Variants in CLCN1 observed in about 807,000 individuals in gnomAD.
CLCN1 encodes chloride voltage-gated channel 1.
In CLCN1, 100 loss-of-function variants were observed where a neutral mutation model predicts 114.5. That is an observed-to-expected ratio of 0.87 (90% CI 0.74 to 1.03). The LOEUF (loss-of-function observed/expected upper bound fraction) is 1.03. CLCN1 is among the 50% of genes least tolerant of loss of function. The probability of loss-of-function intolerance (pLI) is 0.00; values close to 1 mark genes in which losing one functional copy is unlikely to be tolerated. For missense variants in CLCN1, 1,188 were observed against 1,250.0 expected (o/e 0.95, Z 0.75); for synonymous variants, 485 against 487.1 (o/e 1.00, Z 0.06).
chr7:143,329,428 C>T (rs1042852753), intron 7 of CLCN1, among the ~76,000 whole-genome samples: 1 of 152,186 alleles, frequency 6.6e-6, no homozygotes, highest in African/African-American at 2.4e-5. Context: ...GGGAAGGGGA[C>T]TTGGGACTGA....
chr7:143,351,679 G>C lies in CLCN1; in HGVS notation c.2681G>C (p.Arg894Pro). Residue 894 changes from arginine (R) to proline (P), a missense_variant, in exon 23 of 23, where the codon CGA (arginine) becomes CCA (proline). Coordinates refer to ENST00000343257, the MANE Select transcript of CLCN1 (RefSeq NM_000083.3). ...AGCTTCCGGAACACGACTTCAACTC[G>C]AAAGAGTACCGGGGCACCTCCATCT... is the stretch of plus-strand genomic sequence containing the variant. ...LASFRNTTST[R>P]KSTGAPPSSA... The C allele has an allele frequency of 6.2e-7, 1 of 1,614,144 alleles. No homozygotes were observed. Among genetic ancestry groups the C allele is most frequent in the South Asian group, 1.1e-5 (1 of 91,082 alleles).
At chr7:143,341,190 T>G (rs1324418820) in intron 14 of CLCN1, among the ~76,000 whole-genome samples, 1 of 152,112 alleles carries the variant, frequency 6.6e-6, no homozygotes, top group Non-Finnish European at 1.5e-5. Context: ...TTCATTCTAT[T>G]TACTCACTAA....
intron 12 of CLCN1, among the ~76,000 whole-genome samples, chr7:143,338,157 T>A (rs926688160): frequency 6.6e-6 from 1 of 152,202 alleles, no homozygotes; most frequent in African/African-American, 2.4e-5. Flanking sequence ...TCTTTTGTAC[T>A]CTTTGCCTCA....
At chr7:143,345,835 T>G (rs557877519) in intron 17 of CLCN1, 73 bp downstream of exon 17, 27 of 1,329,564 alleles carry the variant, frequency 2.0e-5, no homozygotes, top group Non-Finnish European at 2.5e-5. Flanking sequence ...TGGGCTGGGC[T>G]GGGCTGGGCT....
intron 7 of CLCN1, among the ~76,000 whole-genome samples, chr7:143,330,423 C>T (rs927863843): frequency 1.3e-5 from 2 of 151,988 alleles, no homozygotes; most frequent in Non-Finnish European, 2.9e-5. Context: ...TTTTCAACTA[C>T]CTTTTAGTCC....
At chr7:143,346,398 A>T in intron 18 of CLCN1, 147 bp downstream of exon 18, 1 of 749,826 alleles carries the variant, frequency 1.3e-6, no homozygotes, top group South Asian at 1.5e-5. Flanking sequence ...GTTCTTATTC[A>T]TCAATTCTCC....
At chr7:143,320,561 C>G in intron 2 of CLCN1, 103 bp from the exon 3 acceptor site, 153 of 715,710 alleles carry the variant, frequency 2.1e-4, no homozygotes, top group Non-Finnish European at 2.7e-4. Context: ...TTTTCTCTCT[C>G]TCTCTCTCTC....
chr7:143,321,799 T>C lies in CLCN1; in HGVS notation c.647T>C (p.Val216Ala). Reference sequence around the variant, plus strand: ...ACAATGAAAGCCTTTGTGGCCAAGGTTGTCGCCCTGACTGCGGGCCTGGGC... The same window carrying C: ...ACAATGAAAGCCTTTGTGGCCAAGGCTGTCGCCCTGACTGCGGGCCTGGGC... ...YLTMKAFVAK[V>A]VALTAGLGSG... is the part of the protein sequence containing the mutation. The change falls in exon 5 of 23, where the codon GTT (valine) becomes GCT (alanine). Residue 216 changes from valine (V) to alanine (A), a missense_variant. Transcript: ENST00000343257. The surrounding 1 kb of genome is among the most constrained non-coding windows in gnomAD (Gnocchi z 4.2). The C allele has an allele frequency of 6.2e-7, 1 of 1,614,232 alleles. No homozygotes were observed. The highest frequency in any genetic ancestry group is 1.3e-5 in the African/African-American group (1 of 75,066).
chr7:143,318,213 G>GT (rs1233781577), intron 1 of CLCN1, among the ~76,000 whole-genome samples: 2 of 147,612 alleles, frequency 1.4e-5, no homozygotes, highest in African/African-American at 5.2e-5. Flanking sequence ...CTTTTTTTTT[G>GT]TTTTTTGTTT....
Position 143,321,328 on chromosome 7 carries a change from C to A in CLCN1, c.434-37C>A, listed in dbSNP as rs771423077. The A allele has an allele frequency of 3.7e-6, 6 of 1,612,976 alleles. No individual in the cohort carries two copies. The highest frequency in any genetic ancestry group is 4.2e-6 in the Non-Finnish European group (5 of 1,179,640). ...TGGTGCCGTGGACACGGCTGCTCAG[C>A]CATGTTCTGCCTAACCCCAGGCATG... On this transcript the variant is annotated intron_variant, in intron 3 of 22. Transcript: ENST00000343257. This position sits in a 1 kb window ranked among gnomAD's most constrained non-coding sequence, Gnocchi z 4.2.
rs796709492 is a variant in CLCN1 at position 143,321,258 on chromosome 7, G to A, written c.434-107G>A. On this transcript the variant is annotated intron_variant, in intron 3 of 22. Transcript: ENST00000343257. The surrounding 1 kb of genome is among the most constrained non-coding windows in gnomAD (Gnocchi z 4.2). ...TGAGAGCAGCACCATCTCAGAAGGG[G>A]CACACAGAAGGAGCACGGCCTGAGA... 149 of 1,321,116 alleles carry A rather than the reference G, an allele frequency of 1.1e-4. No individual in the cohort carries two copies. The African/African-American group carries it at 1.7e-3, about 15-fold the overall frequency. The allele number at this position is 1,321,116 out of a possible 1,614,324, so 81.8% of individuals were successfully genotyped here.
Position 143,350,575 on chromosome 7 carries a change from C to A in CLCN1, c.2516C>A (p.Thr839Asn). 7.4e-6 allele frequency: 12 copies of A among 1,614,070 alleles called. No individual in the cohort carries two copies. Among genetic ancestry groups the A allele is most frequent in the Non-Finnish European group, 1.0e-5 (12 of 1,179,962 alleles). ...TGTGCTCTTCATCCTCAGACTCATA[C>A]CCTGTTTTCACTCCTTGGCCTCCAC... is the stretch of plus-strand genomic sequence containing the variant. ...VEQTTLHKTH[T>N]LFSLLGLHLA... Residue 839 changes from threonine (T) to asparagine (N), a missense_variant, in exon 22 of 23, where the codon ACC (threonine) becomes AAC (asparagine). By Grantham distance (65) the Thr-to-Asn change is moderately conservative. Coordinates refer to ENST00000343257, the MANE Select transcript of CLCN1 (RefSeq NM_000083.3). This position sits in a 1 kb window ranked among gnomAD's most constrained non-coding sequence, Gnocchi z 5.1.
intron 7 of CLCN1, among the ~76,000 whole-genome samples, chr7:143,327,150 G>A (rs1312138944): frequency 6.6e-6 from 1 of 152,102 alleles, no homozygotes; most frequent in Non-Finnish European, 1.5e-5. Context: ...GGAGGCTAAG[G>A]TGGAAGAATC....
chr7:143,345,698 G>C lies in CLCN1; in HGVS notation c.2108G>C (p.Gly703Ala), dbSNP rs1428234081. 87 of 1,559,974 alleles carry C rather than the reference G, an allele frequency of 5.6e-5. No individual in the cohort carries two copies. The highest frequency in any genetic ancestry group is 7.4e-5 in the Non-Finnish European group (85 of 1,153,614). Residue 703 changes from glycine to alanine, a missense_variant, in exon 17 of 23, where the codon GGC becomes GCC. Transcript: ENST00000343257. ...GAGGGGCTCCCCGGCGCGCCTCCAG[G>C]CCGGCCCGAGTCCTTCGCCTTTGTG... ...AGEGLPGAPPGRPESFAFVDE... is the reference protein window; with the variant it reads ...AGEGLPGAPPARPESFAFVDE...
At chr7:143,333,861 A>G (rs745706148) in intron 12 of CLCN1, among the ~76,000 whole-genome samples, 14 of 152,170 alleles carry the variant, frequency 9.2e-5, no homozygotes, top group Non-Finnish European at 1.8e-4. Flanking sequence ...AGACTTCTCA[A>G]TTACTGCCTT....
At position 143,319,862 on chromosome 7, in the gene CLCN1, T is replaced by C; in HGVS notation, c.288T>C (p.Tyr96=). 6.2e-7 allele frequency: 1 copy of C among 1,613,902 alleles called. No homozygotes were observed. Among genetic ancestry groups the C allele is most frequent in the Non-Finnish European group, 8.5e-7 (1 of 1,179,798 alleles). ...STVDSKDEDH[Y]SKCQDCIHRL... is the part of the protein sequence containing the mutation. ...TGGACAGCAAGGATGAGGATCACTATTCTAAATGTCAAGGTGATGGGGACT... is the reference window on the plus strand; with the variant it reads ...TGGACAGCAAGGATGAGGATCACTACTCTAAATGTCAAGGTGATGGGGACT... The change falls in exon 2 of 23, where the codon TAT becomes TAC. Residue 96 remains tyrosine, a synonymous_variant. Transcript: ENST00000343257.
chr7:143,342,566 G>A, intron 16 of CLCN1, 61 bp downstream of exon 16: 1 of 1,574,146 alleles, frequency 6.4e-7, no homozygotes, highest in Non-Finnish European at 8.7e-7. Context: ...TCACATAGAG[G>A]TAGAGGAGGC....
intron 14 of CLCN1, among the ~76,000 whole-genome samples, chr7:143,340,655 C>A (rs914705985): frequency 1.3e-5 from 2 of 152,168 alleles, no homozygotes; most frequent in African/African-American, 4.8e-5. Flanking sequence ...GCCTCAGCCT[C>A]CCAAGTAGCT....
At chr7:143,316,511 A>G (rs1802296251) in intron 1 of CLCN1, 119 bp downstream of exon 1, 3 of 937,082 alleles carry the variant, frequency 3.2e-6, no homozygotes, top group Middle Eastern at 4.5e-4. Flanking sequence ...TTTAACTTAA[A>G]AAACAAGTAC....
Sources: gnomAD v4.1 joint callset for allele counts (sites outside exome capture counted in the v4.1 genomes callset) on GRCh38, gnomAD v4.1.1 for gene constraint, Gnocchi (gnomAD v3.1) non-coding constraint, MANE v1.5 for transcripts, NCBI Gene and HGNC (gene_info 2026-07-23, HGNC 2026-07-21) for gene names.